The following ENTPD5 variants were observed in gnomAD, a reference collection of about 807,000 sequenced individuals.
ENTPD5 encodes the protein nucleoside diphosphate phosphatase ENTPD5.
In ENTPD5, 49 loss-of-function variants were observed where a neutral mutation model predicts 60.2. The observed-to-expected ratio is 0.81, with a 90% confidence interval of 0.65 to 1.03. The LOEUF (loss-of-function observed/expected upper bound fraction) is 1.03. Ranked by LOEUF, ENTPD5 falls within the 50% of genes least tolerant of loss-of-function variation. The pLI is 0.00. For synonymous variants in ENTPD5, 187 were observed against 185.4 expected (o/e 1.01, Z -0.07); for missense variants, 480 against 507.6 (o/e 0.95, Z 0.52).
intron 2 of ENTPD5, among the ~76,000 whole-genome samples, chr14:74,014,190 T>C (rs2140879220): frequency 6.6e-6 from 1 of 152,314 alleles, no homozygotes; most frequent in East Asian, 1.9e-4. Context: ...TCCCAACTAC[T>C]TGGGAAGCTG....
chr14:73,966,468 GT>G lies in ENTPD5; in HGVS notation c.*459del, dbSNP rs35835514. 0.054 allele frequency: 8,055 copies of G among 149,832 alleles called. 212 individuals are homozygous for G. Among genetic ancestry groups the G allele is most frequent in the Middle Eastern group, 0.11 (31 of 292 alleles). The allele number at this position is 149,832 out of a possible 1,614,324, so 9.3% of individuals were successfully genotyped here. On this transcript the variant is annotated 3_prime_UTR_variant, in exon 16 of 16. Transcript: ENST00000334696. The stretch of plus-strand genomic sequence containing the variant: ...AATTATACATGGAAAGCAAAACCAG[GT>G]TTTTTTTTTTCTCTCTTTTTCAGGG...
intron 3 of ENTPD5, among the ~76,000 whole-genome samples, chr14:74,008,423 C>CT (rs2058745840): frequency 6.7e-6 from 1 of 149,120 alleles, no homozygotes; most frequent in Non-Finnish European, 1.5e-5. Context: ...GAGTCTCGCT[C>CT]TGTCGCCCAG....
downstream of ENTPD5, chr14:73,961,806 C>G: frequency 6.2e-7 from 1 of 1,614,212 alleles, no homozygotes; most frequent in Non-Finnish European, 8.5e-7. Flanking sequence ...CTGGCTGCTA[C>G]AGACTTACTA....
Position 74,015,359 on chromosome 14 carries a change from G to GC in ENTPD5, c.-131+464dup, listed in dbSNP as rs869071267. Among the ~76,000 whole-genome samples, 303 of 81,018 alleles carry GC rather than the reference G, an allele frequency of 3.7e-3. 3 individuals carry two copies. The highest frequency in any genetic ancestry group is 0.029 in the Middle Eastern group (2 of 68). The allele number at this position is 81,018 out of a possible 152,430, so 53.2% of individuals were successfully genotyped here. On this transcript the variant is annotated intron_variant, in intron 2 of 15. Coordinates refer to ENST00000334696, the MANE Select transcript of ENTPD5 (RefSeq NM_001249.5). ...AAAGCAGAAGTACTACCCACCCCCC[G>GC]CCCCCCCTTTTTTTTTTGAGAAACA...
downstream of ENTPD5, chr14:73,962,722 AG>A: frequency 1.9e-6 from 1 of 515,148 alleles, no homozygotes; most frequent in South Asian, 2.6e-5. Flanking sequence ...GAGGCTGGGG[AG>A]GGAGGATTGC....
At chr14:73,975,793 C>G (rs1368921318) in intron 10 of ENTPD5, 143 bp downstream of exon 10, 1 of 601,564 alleles carries the variant, frequency 1.7e-6, no homozygotes, top group Non-Finnish European at 2.8e-6. Flanking sequence ...TGTAAGTGGA[C>G]CGGGTTTCAG....
At chr14:73,997,708 T>C (rs559150482) in intron 3 of ENTPD5, among the ~76,000 whole-genome samples, 1 of 152,290 alleles carries the variant, frequency 6.6e-6, no homozygotes, top group East Asian at 1.9e-4. Flanking sequence ...ATATAACTTA[T>C]AATACAAAGG....
intron 3 of ENTPD5, among the ~76,000 whole-genome samples, chr14:73,989,832 C>CAAAA (rs57558687): frequency 0.013 from 693 of 52,268 alleles, 32 homozygotes; most frequent in African/African-American, 0.044. Flanking sequence ...GACTCAGTCT[C>CAAAA]AAAAAAAAAA....
At chr14:73,973,389 A>T (rs1032757477) in intron 12 of ENTPD5, among the ~76,000 whole-genome samples, 10 of 152,260 alleles carry the variant, frequency 6.6e-5, no homozygotes, top group Admixed American at 6.5e-4. Context: ...TTTTATAAGA[A>T]GATGAATCAT....
downstream of ENTPD5, chr14:73,960,369 C>T (rs1466274899): frequency 4.1e-6 from 4 of 987,062 alleles, no homozygotes; most frequent in African/African-American, 1.7e-5. Context: ...CTGGAGTAGA[C>T]ACAGCCTTTG....
chr14:73,984,750 A>AT (rs943410678), intron 5 of ENTPD5, among the ~76,000 whole-genome samples: 4 of 150,824 alleles, frequency 2.7e-5, no homozygotes, highest in East Asian at 1.9e-4. Context: ...TGACCCTGGT[A>AT]TTTTTTTTTA....
intron 3 of ENTPD5, among the ~76,000 whole-genome samples, chr14:74,003,873 G>A (rs1352313408): frequency 6.6e-6 from 1 of 151,806 alleles, no homozygotes; most frequent in Non-Finnish European, 1.5e-5. Flanking sequence ...AAGGCAGGAG[G>A]ATCACTGGAG....
chr14:73,967,559 C>T (rs2057029879), intron 15 of ENTPD5, among the ~76,000 whole-genome samples: 2 of 152,126 alleles, frequency 1.3e-5, no homozygotes, highest in African/African-American at 2.4e-5. Context: ...GTACTCCTGG[C>T]ACTTTGGGAG....
downstream of ENTPD5, among the ~76,000 whole-genome samples, chr14:73,962,326 A>G (rs1248863428): frequency 6.6e-6 from 1 of 152,080 alleles, no homozygotes; most frequent in Non-Finnish European, 1.5e-5. Flanking sequence ...AAGGGTTACA[A>G]GCAGAAGAGT....
rs1458844419 is a variant in ENTPD5, at chr14:73,998,262, G to A, written c.-70-10090C>T. ...TGTTGTACAAAGAAAGCAATTATGT[G>A]TACCTGTGATAAATCTAGCAGCTGA... On this transcript the variant is annotated intron_variant, in intron 3 of 15. Transcript: ENST00000334696. Among the ~76,000 whole-genome samples the A allele has an allele frequency of 2.0e-5, 3 of 152,250 alleles. No homozygotes were observed. The South Asian group carries it at 6.2e-4, about 32-fold the overall frequency.
Position 73,970,017 on chromosome 14 carries a change from A to G in ENTPD5, c.1193T>C (p.Val398Ala). 1 of 1,611,788 alleles carries G rather than the reference A, an allele frequency of 6.2e-7. No homozygotes were observed. The highest frequency in any genetic ancestry group is 1.1e-5 in the South Asian group (1 of 91,030). The change falls in exon 15 of 16, where the codon GTC (valine) becomes GCC (alanine). Residue 398 changes from valine to alanine, a missense_variant. Physicochemically the swap from Val to Ala is moderately conservative, Grantham distance 64. Coordinates refer to ENST00000334696, the MANE Select transcript of ENTPD5 (RefSeq NM_001249.5). ...KDGFGFADST[V>A]LQLTKKVNNI... is the part of the protein sequence containing the mutation. ...TGGTGTCCTGTCTCTTACCTGTAAGACTGTGCTGTCTGCAAAGCCAAAGCC... is the reference window on the plus strand; with the variant it reads ...TGGTGTCCTGTCTCTTACCTGTAAGGCTGTGCTGTCTGCAAAGCCAAAGCC...
intron 3 of ENTPD5, among the ~76,000 whole-genome samples, chr14:74,002,472 AC>A (rs1201520845): frequency 6.6e-6 from 1 of 151,584 alleles, no homozygotes; most frequent in Non-Finnish European, 1.5e-5. Context: ...TCACTATGTT[AC>A]CCAGGCTGGT....
chr14:73,971,778 T>C, intron 14 of ENTPD5, 74 bp downstream of exon 14: 2 of 951,630 alleles, frequency 2.1e-6, no homozygotes, highest in East Asian at 2.4e-5. Context: ...TGAGGTGCTT[T>C]AGGTCACTTT....
At position 73,988,185 on chromosome 14, in the gene ENTPD5, A is replaced by T. The variant is rs2057983632; in HGVS notation, c.-70-13T>A. Reference sequence around the variant, plus strand: ...ACACCTGCAGAGGCTTATAGGACAAAGACACACAAGTTAGACCAACTAGCT... The same window carrying T: ...ACACCTGCAGAGGCTTATAGGACAATGACACACAAGTTAGACCAACTAGCT... On this transcript the variant is annotated splice_polypyrimidine_tract_variant and intron_variant, in intron 3 of 15. Transcript: ENST00000334696. 1.3e-6 allele frequency: 2 copies of T among 1,499,118 alleles called. No individual in the cohort carries two copies. The highest frequency in any genetic ancestry group is 2.8e-5 in the African/African-American group (2 of 71,322). The allele number at this position is 1,499,118 out of a possible 1,614,324, so 92.9% of individuals were successfully genotyped here.
Sources: gnomAD v4.1 joint callset for allele counts (sites outside exome capture counted in the v4.1 genomes callset) on GRCh38, gnomAD v4.1.1 for gene constraint, MANE v1.5 for transcripts, NCBI Gene and HGNC (gene_info 2026-07-23, HGNC 2026-07-21) for gene names.